Variants in APOB observed in about 807,000 individuals in gnomAD.
APOB encodes apolipoprotein B-100.
In APOB, 153 loss-of-function variants were observed where a neutral mutation model predicts 314.1. That is an observed-to-expected ratio of 0.49 (90% CI 0.43 to 0.56). The LOEUF is 0.56. Among genes scored for constraint, APOB ranks in the 20% least tolerant of loss-of-function variants. The pLI, the probability that APOB is intolerant of heterozygous loss-of-function variation, is 0.00. For missense variants in APOB, 5,430 were observed against 5,350.7 expected (o/e 1.01, Z -0.46); for synonymous variants, 2,087 against 2,036.4 (o/e 1.02, Z -0.67).
rs1663306204 is a variant in APOB, at chr2:21,011,112, A to G, written c.5756T>C (p.Leu1919Pro). 1 of 1,614,240 alleles carries G rather than the reference A, an allele frequency of 6.2e-7. No individual in the cohort carries two copies. Residue 1919 changes from leucine to proline, a missense_variant, in exon 26 of 29, where the codon CTC (leucine) becomes CCC (proline). Leu to Pro is a moderately conservative substitution (Grantham distance 98). This residue lies in a region of APOB where 3,281 missense variants were observed against 3,171.0 expected (regional missense o/e 1.03). Transcript: ENST00000233242. ...AHTNGNGKLA[L>P]WGEHTGQLYS... ...CAGCTGCCCAGTATGTTCTCCCCAG[A>G]GAGCGAGTTTCCCATTGCCATTTGT...
intron 5 of APOB, among the ~76,000 whole-genome samples, chr2:21,037,569 T>C (rs981273849): frequency 1.3e-5 from 2 of 152,164 alleles, no homozygotes; most frequent in African/African-American, 4.8e-5. Context: ...ATGAATTCTG[T>C]CTCACAGTGA....
rs1210700264 is a variant in APOB at position 21,009,795 on chromosome 2, A to T, written c.7073T>A (p.Met2358Lys). The change falls in exon 26 of 29, where the codon ATG becomes AAG. Residue 2358 changes from methionine to lysine, a missense_variant. Physicochemically the swap from Met to Lys is moderately conservative, Grantham distance 95. Transcript: ENST00000233242. ...YEVDQQIQVL[M>K]DKLVELAHQY... The stretch of plus-strand genomic sequence containing the variant: ...GTGGGCCAACTCTACTAATTTATCC[A>T]TTAAAACCTGGATTTGTTGGTCTAC... 1 of 1,613,876 alleles carries T rather than the reference A, an allele frequency of 6.2e-7. No individual in the cohort carries two copies. The highest frequency in any genetic ancestry group is 8.5e-7 in the Non-Finnish European group (1 of 1,179,964).
Position 21,043,499 on chromosome 2 carries a change from C to A in APOB, c.121+14G>T. 1 of 1,599,934 alleles carries A rather than the reference C, an allele frequency of 6.3e-7. No homozygotes were observed. The highest frequency in any genetic ancestry group is 8.5e-7 in the Non-Finnish European group (1 of 1,173,208). ...GCTGGGCGCCCTTCCACGCCCCATG[C>A]GCAGATGCCTTACTTGGACAGACCA... On this transcript the variant is annotated intron_variant, in intron 2 of 28. Transcript: ENST00000233242.
chr2:21,003,278 A>C lies in APOB; in HGVS notation c.12144T>G (p.Ser4048=), dbSNP rs770675974. 11 of 1,613,938 alleles carry C rather than the reference A, an allele frequency of 6.8e-6. No homozygotes were observed. Among genetic ancestry groups the C allele is most frequent in the Admixed American group, 1.7e-5 (1 of 60,012 alleles). ...IFKTELRVRE[S]DEETQIKVNW... ...TAACTTTGATCTGAGTTTCCTCATC[A>C]GATTCCCGGACCCTCAACTCAGTTT... Residue 4048 remains serine, a synonymous_variant, in exon 29 of 29, where the codon TCT becomes TCG. Coordinates refer to ENST00000233242, the MANE Select transcript of APOB (RefSeq NM_000384.3).
intron 16 of APOB, chr2:21,024,732 G>A (rs1019287970): frequency 1.3e-5 from 9 of 717,882 alleles, no homozygotes; most frequent in Non-Finnish European, 2.0e-5. Context: ...CTAACATTAT[G>A]AATAGCTTAA....
At chr2:21,004,511 C>G (rs1800479) in intron 27 of APOB, 50 bp downstream of exon 27, 275,711 of 1,612,378 alleles carry the variant, frequency 0.17, 24,632 homozygotes, top group Non-Finnish European at 0.18. Flanking sequence ...AAGAAAATCA[C>G]AATGAGTTTT....
chr2:21,036,618 A>C (rs1454220330), intron 6 of APOB, among the ~76,000 whole-genome samples: 1 of 152,078 alleles, frequency 6.6e-6, no homozygotes, highest in Non-Finnish European at 1.5e-5. Flanking sequence ...TGGAAGGACA[A>C]GAAGCTGGAG....
At chr2:21,037,279 A>T in intron 5 of APOB, 24 bp from the exon 6 acceptor site, 1 of 1,613,146 alleles carries the variant, frequency 6.2e-7, no homozygotes, top group Non-Finnish European at 8.5e-7. Context: ...AGATGCAACC[A>T]CATGTATTCA....
Position 21,011,011 on chromosome 2 carries a change from G to A in APOB, c.5857C>T (p.His1953Tyr), listed in dbSNP as rs1457341167. Residue 1953 changes from histidine to tyrosine, a missense_variant, in exon 26 of 29, where the codon CAT becomes TAT. This residue lies in a region of APOB where 3,281 missense variants were observed against 3,171.0 expected (regional missense o/e 1.03). Transcript: ENST00000233242. The stretch of plus-strand genomic sequence containing the variant: ...CTGATGCTTTTCCTAGACACGAGAT[G>A]ATGACTTGTGGAGCCTTTGTAATCA... ...SHDYKGSTSH[H>Y]LVSRKSISAA... 4 of 1,614,162 alleles carry A rather than the reference G, an allele frequency of 2.5e-6. No homozygotes were observed. Among genetic ancestry groups the A allele is most frequent in the Non-Finnish European group, 3.4e-6 (4 of 1,180,014 alleles).
At chr2:21,043,842 C>G in intron 1 of APOB, 22 bp downstream of exon 1, 2 of 1,530,348 alleles carry the variant, frequency 1.3e-6, no homozygotes, top group Non-Finnish European at 8.7e-7. Flanking sequence ...CCTCTGCGCC[C>G]GCAGAGCGGC....
At chr2:21,026,711 C>G (rs1381079277) in intron 15 of APOB, 77 bp downstream of exon 15, 1 of 1,221,144 alleles carries the variant, frequency 8.2e-7, no homozygotes, top group Non-Finnish European at 1.2e-6. Context: ...ATTTTGAGGA[C>G]TTCCATGCTT....
At position 21,012,395 on chromosome 2, in the gene APOB, T is replaced by C. The variant is rs747709799; in HGVS notation, c.4473A>G (p.Arg1491=). 1 of 1,614,198 alleles carries C rather than the reference T, an allele frequency of 6.2e-7. No homozygotes were observed. The highest frequency in any genetic ancestry group is 1.3e-5 in the African/African-American group (1 of 75,052). Residue 1491 remains arginine (R), a synonymous_variant, in exon 26 of 29, where the codon AGA becomes AGG. Coordinates refer to ENST00000233242, the MANE Select transcript of APOB (RefSeq NM_000384.3). The part of the protein sequence containing the change: ...VKEVKIDGQF[R]VSSFYAKGTY... ...TGCCTTTAGCATAGAACGAAGAGACTCTGAACTGCCCATCAATCTTGACTT... is the reference window on the plus strand; with the variant it reads ...TGCCTTTAGCATAGAACGAAGAGACCCTGAACTGCCCATCAATCTTGACTT...
At chr2:21,025,742 C>T (rs1428008666) in intron 15 of APOB, among the ~76,000 whole-genome samples, 1 of 152,222 alleles carries the variant, frequency 6.6e-6, no homozygotes, top group Non-Finnish European at 1.5e-5. Context: ...CTGCCTTGCT[C>T]TGCAAAGTTG....
chr2:21,020,332 C>A (rs534207834), intron 18 of APOB, among the ~76,000 whole-genome samples: 48 of 152,288 alleles, frequency 3.2e-4, no homozygotes, highest in African/African-American at 1.1e-3. Flanking sequence ...ACGCTCAAGT[C>A]TCTTCCCCTG....
chr2:21,029,576 C>G, intron 12 of APOB, 63 bp downstream of exon 12: 2 of 1,573,842 alleles, frequency 1.3e-6, no homozygotes. Context: ...TCTCATTCCC[C>G]TAGTACCTTC....
Position 21,032,364 on chromosome 2 carries a change from C to A in APOB, c.1342G>T (p.Ala448Ser), listed in dbSNP as rs752032737. 1.2e-6 allele frequency: 2 copies of A among 1,613,212 alleles called. No individual in the cohort carries two copies. The highest frequency in any genetic ancestry group is 2.2e-5 in the East Asian group (1 of 44,874). ...SRATLYALSHAVNNYHKTNPT... is the reference protein window; with the variant it reads ...SRATLYALSHSVNNYHKTNPT... Reference sequence around the variant, plus strand: ...AGTGTGGAAACTCACTTGTTGACCGCGTGGCTCAGCGCATACAAGGTGGCT... The same window carrying A: ...AGTGTGGAAACTCACTTGTTGACCGAGTGGCTCAGCGCATACAAGGTGGCT... Residue 448 changes from alanine to serine, a missense_variant, in exon 10 of 29, where the codon GCG becomes TCG. By Grantham distance (99) the Ala-to-Ser change is moderately conservative (BLOSUM62 1). This residue lies in a region of APOB where 2,085 missense variants were observed against 2,079.7 expected (regional missense o/e 1.00). Coordinates refer to ENST00000233242, the MANE Select transcript of APOB (RefSeq NM_000384.3).
Position 21,007,645 on chromosome 2 carries a change from C to T in APOB, c.9223G>A (p.Ala3075Thr), listed in dbSNP as rs1377990461. The T allele has an allele frequency of 6.2e-7, 1 of 1,614,068 alleles. No homozygotes were observed. The highest frequency in any genetic ancestry group is 8.5e-7 in the Non-Finnish European group (1 of 1,179,960). Residue 3075 changes from alanine (A) to threonine (T), a missense_variant, in exon 26 of 29, where the codon GCA becomes ACA. Physicochemically the swap from Ala to Thr is moderately conservative, Grantham distance 58. Transcript: ENST00000233242. ...TGGGCACTGGGACTCAGAAACAGTG[C>T]ATAGTTATTCAGGAAGTCTATCTTC... ...TGKIDFLNNY[A>T]LFLSPSAQQA...
Position 21,005,654 on chromosome 2 carries a change from A to G in APOB, c.11214T>C (p.Asn3738=), listed in dbSNP as rs1460595288. The G allele has an allele frequency of 6.2e-7, 1 of 1,613,910 alleles. No homozygotes were observed. Among genetic ancestry groups the G allele is most frequent in the Non-Finnish European group, 8.5e-7 (1 of 1,179,968 alleles). Residue 3738 remains asparagine, a synonymous_variant, in exon 26 of 29, where the codon AAT becomes AAC. Transcript: ENST00000233242. ...DKFIIPGLKL[N]DLNSVLVMPT... is the part of the protein sequence containing the mutation. ...GCATGACAAGAACTGAATTTAGATC[A>G]TTTAGTTTCAGCCCAGGAATAATGA...
At chr2:21,031,144 C>T (rs1417997857) in intron 10 of APOB, among the ~76,000 whole-genome samples, 1 of 152,172 alleles carries the variant, frequency 6.6e-6, no homozygotes, top group East Asian at 1.9e-4. Context: ...CCAAAGGAAA[C>T]CTGCACCCAT....
Sources: gnomAD v4.1 joint callset for allele counts (sites outside exome capture counted in the v4.1 genomes callset) on GRCh38, gnomAD v4.1.1 for gene constraint, gnomAD v4.1.1 regional missense constraint, MANE v1.5 for transcripts, NCBI Gene and HGNC (gene_info 2026-07-23, HGNC 2026-07-21) for gene names.